Variants in OSBP2 observed in about 807,000 individuals in gnomAD.
The protein encoded by OSBP2 is oxysterol binding protein 2.
In OSBP2, 66 loss-of-function variants were observed where a neutral mutation model predicts 96.0. The ratio of observed to expected loss-of-function variants is 0.69; its 90% CI spans 0.56 to 0.84. The LOEUF is 0.84. Ranked by LOEUF, OSBP2 falls within the 40% of genes least tolerant of loss-of-function variation. The pLI, the probability that OSBP2 is intolerant of heterozygous loss-of-function variation, is 0.00. For missense variants in OSBP2, 1,038 were observed against 1,222.7 expected (o/e 0.85, Z 2.25); for synonymous variants, 525 against 520.9 (o/e 1.01, Z -0.11).
chr22:30,793,859 A>T (rs773985952), intron 2 of OSBP2, among the ~76,000 whole-genome samples: 1 of 152,200 alleles, frequency 6.6e-6, no homozygotes, highest in Admixed American at 6.5e-5. Flanking sequence ...AAGTGGTCTA[A>T]GTTGTACACC....
rs774012019 is a variant in OSBP2 at position 30,790,668 on chromosome 22, AAAG to A, written c.853+49301_853+49303del. Reference sequence around the variant, plus strand: ...CAAACTGCATTAAAAAAAAAAAAAAAAAGAGGGAGCATACTTTATAGGTTAAAG... The same window carrying A: ...CAAACTGCATTAAAAAAAAAAAAAAAAGGGAGCATACTTTATAGGTTAAAG... On this transcript the variant is annotated intron_variant, in intron 2 of 13. Transcript: ENST00000332585. Among the ~76,000 whole-genome samples the A allele has an allele frequency of 7.2e-4, 110 of 152,102 alleles. 2 individuals carry two copies. In the East Asian group the frequency reaches 0.02, roughly 28 times the overall value.
At chr22:30,839,396 C>T (rs112985207) in intron 2 of OSBP2, among the ~76,000 whole-genome samples, 42,447 of 85,602 alleles carry the variant, frequency 0.5, 11,933 homozygotes, top group African/African-American at 0.8. Context: ...ATGGTATTTC[C>T]AGTTCTAGAT....
At chr22:30,700,129 A>C (rs956378672) in intron 1 of OSBP2, among the ~76,000 whole-genome samples, 1 of 151,302 alleles carries the variant, frequency 6.6e-6, no homozygotes, top group East Asian at 1.9e-4. Context: ...CACCCAGCTA[A>C]TTTTTTTTGT....
intron 1 of OSBP2, among the ~76,000 whole-genome samples, chr22:30,698,696 C>G (rs1036649381): frequency 6.6e-6 from 1 of 152,158 alleles, no homozygotes; most frequent in Non-Finnish European, 1.5e-5. Flanking sequence ...CCTTGGCCTC[C>G]CAAAGTGCTG....
chr22:30,767,528 T>C (rs191686838), intron 2 of OSBP2, among the ~76,000 whole-genome samples: 1 of 145,320 alleles, frequency 6.9e-6, no homozygotes, highest in East Asian at 2.0e-4. Context: ...GGATGTATCT[T>C]TAAAAGATCA....
At chr22:30,712,531 T>C (rs746836468) in intron 1 of OSBP2, among the ~76,000 whole-genome samples, 6 of 152,154 alleles carry the variant, frequency 3.9e-5, no homozygotes, top group Admixed American at 2.0e-4. Flanking sequence ...TTGTATGAAA[T>C]GAAAAGCAGA....
At chr22:30,835,896 T>C (rs963721242) in intron 2 of OSBP2, among the ~76,000 whole-genome samples, 2 of 152,102 alleles carry the variant, frequency 1.3e-5, no homozygotes, top group Admixed American at 1.3e-4. Flanking sequence ...TTTTTTTTTT[T>C]CCTGTAAAGG....
chr22:30,812,619 G>A (rs148576398), intron 2 of OSBP2, among the ~76,000 whole-genome samples: 54 of 152,318 alleles, frequency 3.5e-4, no homozygotes, highest in African/African-American at 1.3e-3. Context: ...ATATGTGTGA[G>A]TTTTTCCATT....
intron 1 of OSBP2, among the ~76,000 whole-genome samples, chr22:30,717,530 A>G (rs770093983): frequency 2.7e-4 from 41 of 152,292 alleles, no homozygotes; most frequent in Non-Finnish European, 4.9e-4. Flanking sequence ...TACATCCAGG[A>G]AAGTGGACCT....
chr22:30,808,503 T>A (rs2090961692), intron 2 of OSBP2, among the ~76,000 whole-genome samples: 1 of 152,142 alleles, frequency 6.6e-6, no homozygotes. Flanking sequence ...TGAGACCCTG[T>A]CTCAAAAGAA....
chr22:30,721,832 A>G (rs769979223), intron 1 of OSBP2, among the ~76,000 whole-genome samples: 63 of 152,176 alleles, frequency 4.1e-4, no homozygotes, highest in Non-Finnish European at 6.5e-4. Flanking sequence ...AATTCATGGC[A>G]TTTCAATCTT....
chr22:30,694,816 C>A (rs535059243), upstream of OSBP2: 383 of 566,660 alleles, frequency 6.8e-4, 1 homozygote, highest in African/African-American at 7.2e-3. Flanking sequence ...GCCCCCGCCT[C>A]GCGCCGCGCG....
chr22:30,897,249 T>C (rs2040086287), intron 12 of OSBP2, among the ~76,000 whole-genome samples: 1 of 152,248 alleles, frequency 6.6e-6, no homozygotes, highest in Non-Finnish European at 1.5e-5. Context: ...AAGAAATTGA[T>C]AAATCCATCA....
At chr22:30,748,419 T>C (rs1174372852) in intron 2 of OSBP2, among the ~76,000 whole-genome samples, 1 of 152,316 alleles carries the variant, frequency 6.6e-6, no homozygotes, top group South Asian at 2.1e-4. Context: ...TTGTTTATTG[T>C]TCATCTCCTC....
At chr22:30,703,363 G>A (rs951526921) in intron 1 of OSBP2, among the ~76,000 whole-genome samples, 1 of 152,010 alleles carries the variant, frequency 6.6e-6, no homozygotes, top group African/African-American at 2.4e-5. Flanking sequence ...TAGTAGAGAT[G>A]GGGTTTCACC....
chr22:30,877,295 ACT>A, intron 3 of OSBP2, among the ~76,000 whole-genome samples: 1 of 152,208 alleles, frequency 6.6e-6, no homozygotes, highest in Non-Finnish European at 1.5e-5. Flanking sequence ...TGCTTGAATT[ACT>A]GTTTTGGGTA....
At chr22:30,725,800 T>G (rs1297694863) in intron 1 of OSBP2, among the ~76,000 whole-genome samples, 2 of 151,648 alleles carry the variant, frequency 1.3e-5, no homozygotes, top group Non-Finnish European at 2.9e-5. Context: ...CTTTTTTTTT[T>G]TTTTCCTGAG....
intron 2 of OSBP2, among the ~76,000 whole-genome samples, chr22:30,864,748 T>A (rs1350393385): frequency 6.6e-6 from 1 of 152,050 alleles, no homozygotes; most frequent in Non-Finnish European, 1.5e-5. Context: ...CAGCACTGGG[T>A]GTGGGTGCAG....
At chr22:30,775,070 G>A (rs1002778571) in intron 2 of OSBP2, among the ~76,000 whole-genome samples, 4 of 151,746 alleles carry the variant, frequency 2.6e-5, no homozygotes, top group Non-Finnish European at 5.9e-5. Context: ...AAATACATAC[G>A]ACATTGAATT....
Sources: allele counts gnomAD v4.1 joint callset (sites outside exome capture counted in the v4.1 genomes callset), GRCh38; gene constraint gnomAD v4.1.1; transcripts MANE v1.5; gene names NCBI Gene and HGNC (gene_info 2026-07-23, HGNC 2026-07-21).